The following LRFN2 variants were observed in gnomAD, a reference collection of about 807,000 sequenced individuals.
The protein encoded by LRFN2 is leucine rich repeat and fibronectin type III domain containing 2.
LRFN2 carries 18 observed loss-of-function variants against 37.3 expected under a neutral mutation model. The ratio of observed to expected loss-of-function variants is 0.48; its 90% CI spans 0.33 to 0.72. The LOEUF is 0.72. Ranked by LOEUF, LRFN2 falls within the 30% of genes least tolerant of loss-of-function variation. LRFN2 has a pLI of 0.02. For missense variants in LRFN2, 1,006 were observed against 1,060.7 expected (o/e 0.95, Z 0.72); for synonymous variants, 556 against 466.6 (o/e 1.19, Z -2.47).
At position 40,453,699 on chromosome 6, in the gene LRFN2, T is replaced by C. The variant is rs553797781; in HGVS notation, c.-18-20568A>G. ...GGGAAGCGTGATCAGGACTGGGTGA[T>C]ATGCAGGAGTATTTTGAGTTTTACT... is the stretch of plus-strand genomic sequence containing the variant. On this transcript the variant is annotated intron_variant, in intron 1 of 2. Coordinates refer to ENST00000338305, the MANE Select transcript of LRFN2 (RefSeq NM_020737.3). Among the ~76,000 whole-genome samples the C allele has an allele frequency of 6.2e-4, 94 of 152,294 alleles. 2 individuals are homozygous for C. The highest frequency in any genetic ancestry group is 5.3e-4 in the Non-Finnish European group (36 of 68,018).
chr6:40,408,038 A>C (rs527274507), intron 2 of LRFN2: 2 of 154,598 alleles, frequency 1.3e-5, no homozygotes, highest in East Asian at 3.8e-4. Flanking sequence ...TCATAGAGAC[A>C]GAAAGTAGCA....
intron 1 of LRFN2, among the ~76,000 whole-genome samples, chr6:40,540,402 C>A (rs1243537165): frequency 1.3e-5 from 2 of 152,144 alleles, no homozygotes; most frequent in African/African-American, 4.8e-5. Context: ...TGCAAAGCAT[C>A]AGGGTGTCTT....
At chr6:40,412,906 A>C (rs959770641) in intron 2 of LRFN2, among the ~76,000 whole-genome samples, 2 of 152,232 alleles carry the variant, frequency 1.3e-5, no homozygotes, top group Non-Finnish European at 2.9e-5. Context: ...AGAGTGGGAC[A>C]GCTCAGCTTT....
At chr6:40,463,319 A>C (rs1010312129) in intron 1 of LRFN2, among the ~76,000 whole-genome samples, 1 of 152,170 alleles carries the variant, frequency 6.6e-6, no homozygotes, top group African/African-American at 2.4e-5. Flanking sequence ...CCAGAATGCT[A>C]ATTTGGAGGC....
At chr6:40,569,116 A>T (rs1439144218) in intron 1 of LRFN2, among the ~76,000 whole-genome samples, 2 of 152,224 alleles carry the variant, frequency 1.3e-5, no homozygotes, top group African/African-American at 4.8e-5. Context: ...TGTGGGAAGA[A>T]AATTGAACAA....
At chr6:40,417,493 C>A (rs960993669) in intron 2 of LRFN2, among the ~76,000 whole-genome samples, 1 of 152,148 alleles carries the variant, frequency 6.6e-6, no homozygotes, top group Non-Finnish European at 1.5e-5. Flanking sequence ...GTCAGAAATG[C>A]CACAGCACAC....
chr6:40,399,118 G>A (rs74613782), intron 2 of LRFN2, among the ~76,000 whole-genome samples: 4,078 of 151,800 alleles, frequency 0.027, 143 homozygotes, highest in African/African-American at 0.065. Flanking sequence ...CTATTTTTTC[G>A]TCTCCAAGTG....
intron 1 of LRFN2, among the ~76,000 whole-genome samples, chr6:40,562,047 T>G (rs1767003896): frequency 6.6e-6 from 1 of 152,164 alleles, no homozygotes; most frequent in South Asian, 2.1e-4. Flanking sequence ...GGAGTTGAGA[T>G]TAGAGAGCAT....
At chr6:40,542,025 C>A (rs1243022604) in intron 1 of LRFN2, among the ~76,000 whole-genome samples, 1 of 152,260 alleles carries the variant, frequency 6.6e-6, no homozygotes, top group South Asian at 2.1e-4. Context: ...GTCCTCCCAG[C>A]CACCTGGAGA....
chr6:40,461,580 C>A (rs1336948279), intron 1 of LRFN2, among the ~76,000 whole-genome samples: 1 of 143,582 alleles, frequency 7.0e-6, no homozygotes, highest in Non-Finnish European at 1.6e-5. Flanking sequence ...CCACCCCCCT[C>A]CCCCCGACAA....
intron 2 of LRFN2, among the ~76,000 whole-genome samples, chr6:40,420,948 G>A (rs1227739179): frequency 2.0e-5 from 3 of 152,214 alleles, no homozygotes; most frequent in African/African-American, 7.2e-5. Context: ...CCCCTAATGG[G>A]AGCCCCTGGG....
chr6:40,481,079 G>C (rs1031174652), intron 1 of LRFN2, among the ~76,000 whole-genome samples: 17 of 152,166 alleles, frequency 1.1e-4, no homozygotes, highest in African/African-American at 4.1e-4. Context: ...ATGGGCCCCT[G>C]ACAAGCATCT....
chr6:40,436,483 T>C (rs566122269), intron 1 of LRFN2, among the ~76,000 whole-genome samples: 5 of 145,508 alleles, frequency 3.4e-5, no homozygotes, highest in South Asian at 2.1e-4. Flanking sequence ...CTCTGTTCTA[T>C]AGGATATGTG....
chr6:40,398,373 A>G (rs1287561595), intron 2 of LRFN2, among the ~76,000 whole-genome samples: 1 of 151,870 alleles, frequency 6.6e-6, no homozygotes, highest in Non-Finnish European at 1.5e-5. Flanking sequence ...GGCACCGGAC[A>G]AAGAAGTAGC....
chr6:40,510,835 G>T (rs1765686437), intron 1 of LRFN2, among the ~76,000 whole-genome samples: 1 of 152,172 alleles, frequency 6.6e-6, no homozygotes, highest in Non-Finnish European at 1.5e-5. Context: ...GGGGTTCTCG[G>T]CTTATAGAAG....
intron 1 of LRFN2, among the ~76,000 whole-genome samples, chr6:40,572,966 A>C (rs2113795449): frequency 6.6e-6 from 1 of 152,348 alleles, no homozygotes; most frequent in Middle Eastern, 3.4e-3. Flanking sequence ...GTCCTGCCAA[A>C]CCTGCTGCCT....
chr6:40,426,437 C>G (rs1763354945), intron 2 of LRFN2, among the ~76,000 whole-genome samples: 1 of 152,138 alleles, frequency 6.6e-6, no homozygotes, highest in Admixed American at 6.6e-5. Flanking sequence ...AATGTTGACT[C>G]TATAGCTACT....
At position 40,516,147 on chromosome 6, in the gene LRFN2, G is replaced by A. The variant is rs1207447383; in HGVS notation, c.-19+70794C>T. Among the ~76,000 whole-genome samples, 4 of 151,996 alleles carry A rather than the reference G, an allele frequency of 2.6e-5. No individual in the cohort carries two copies. In the South Asian group the frequency reaches 6.2e-4, roughly 24 times the overall value. ...ATAAATTACTTAGACTCAAACTCTGGTCTCAGAGCCTGCTTCTAGGGGAAC... is the reference window on the plus strand; with the variant it reads ...ATAAATTACTTAGACTCAAACTCTGATCTCAGAGCCTGCTTCTAGGGGAAC... On this transcript the variant is annotated intron_variant, in intron 1 of 2. Transcript: ENST00000338305.
Position 40,587,215 on chromosome 6 carries a change from A to G in LRFN2, c.-293T>C, listed in dbSNP as rs947603328. Reference sequence around the variant, plus strand: ...TTCTCTTCCAGATTAAAGAAAAATAATAATAATAATCCCTCCCTAGGAGGA... The same window carrying G: ...TTCTCTTCCAGATTAAAGAAAAATAGTAATAATAATCCCTCCCTAGGAGGA... On this transcript the variant is annotated 5_prime_UTR_variant, in exon 1 of 3. Coordinates refer to ENST00000338305, the MANE Select transcript of LRFN2 (RefSeq NM_020737.3). The surrounding 1 kb of genome is among the most constrained non-coding windows in gnomAD (Gnocchi z 4.2). 3 of 152,262 alleles carry G rather than the reference A, an allele frequency of 2.0e-5. No homozygotes were observed. Among genetic ancestry groups the G allele is most frequent in the African/African-American group, 2.4e-5 (1 of 41,472 alleles). The allele number at this position is 152,262 out of a possible 1,614,324, so 9.4% of individuals were successfully genotyped here.
Sources: allele counts gnomAD v4.1 joint callset (sites outside exome capture counted in the v4.1 genomes callset), GRCh38; gene constraint gnomAD v4.1.1; non-coding constraint Gnocchi (gnomAD v3.1); transcripts MANE v1.5; gene names NCBI Gene and HGNC (gene_info 2026-07-23, HGNC 2026-07-21).